TTC7B: variants seen among roughly 807,000 people sequenced by gnomAD.
TTC7B encodes the protein tetratricopeptide repeat protein 7B.
Under a neutral mutation model 106.8 loss-of-function variants are expected in TTC7B, and 28 were observed. That is an observed-to-expected ratio of 0.26 (90% CI 0.19 to 0.36). The LOEUF (loss-of-function observed/expected upper bound fraction) is 0.36. TTC7B is among the 10% of genes least tolerant of loss of function. The pLI is 1.00. For synonymous variants in TTC7B, 405 were observed against 430.6 expected (o/e 0.94, Z 0.74); for missense variants, 862 against 1,076.4 (o/e 0.80, Z 2.79).
At chr14:90,618,189 C>T (rs763618443) in intron 15 of TTC7B, 144 bp from the exon 16 acceptor site, 15 of 600,924 alleles carry the variant, frequency 2.5e-5, no homozygotes, top group South Asian at 1.1e-4. Context: ...CCAAGGAAAG[C>T]GGGATTCCAG....
chr14:90,613,550 C>A (rs1426308539), intron 16 of TTC7B, among the ~76,000 whole-genome samples: 1 of 152,202 alleles, frequency 6.6e-6, no homozygotes, highest in African/African-American at 2.4e-5. Flanking sequence ...CAAGGAGAGG[C>A]CTTGAGCAAC....
intron 4 of TTC7B, among the ~76,000 whole-genome samples, chr14:90,740,081 T>C (rs1052190945): frequency 6.6e-6 from 1 of 152,254 alleles, no homozygotes; most frequent in African/African-American, 2.4e-5. Context: ...GAAAACAAAC[T>C]ATCAGAGACT....
chr14:90,712,070 T>C (rs1888471320), intron 5 of TTC7B, among the ~76,000 whole-genome samples: 1 of 152,190 alleles, frequency 6.6e-6, no homozygotes. Context: ...AAATATATTA[T>C]GTAAACAGTA....
chr14:90,787,635 G>T (rs1891437288), intron 1 of TTC7B, among the ~76,000 whole-genome samples: 1 of 152,128 alleles, frequency 6.6e-6, no homozygotes, highest in Non-Finnish European at 1.5e-5. Context: ...CTAAGATTCT[G>T]GGTGGTAAGT....
At chr14:90,571,194 G>T (rs868425343) in intron 19 of TTC7B, among the ~76,000 whole-genome samples, 74 of 152,322 alleles carry the variant, frequency 4.9e-4, no homozygotes, top group African/African-American at 1.8e-3. Context: ...GTAGAGAAAG[G>T]TAATCCTTAA....
intron 17 of TTC7B, among the ~76,000 whole-genome samples, chr14:90,596,872 C>G (rs1442474706): frequency 6.6e-6 from 1 of 152,160 alleles, no homozygotes. Context: ...ACTTCACTGT[C>G]TGAAATTCAG....
Position 90,774,763 on chromosome 14 carries a change from G to C in TTC7B, c.445+5975C>G, listed in dbSNP as rs558834537. Among the ~76,000 whole-genome samples, 40 of 152,342 alleles carry C rather than the reference G, an allele frequency of 2.6e-4. 1 individual carries two copies. In the South Asian group the frequency reaches 8.3e-3, roughly 32 times the overall value. On this transcript the variant is annotated intron_variant, in intron 3 of 19. Transcript: ENST00000328459. The stretch of plus-strand genomic sequence containing the variant: ...CCCTAAAGAGTCCCCCGCTAGGCTG[G>C]GCGCGGTGGCTCACGCCTGTAATCC...
At position 90,534,967 on chromosome 14, in the gene TTC7B, T is replaced by A. The variant is rs1889381535; in HGVS notation, c.*6401A>T. The A allele has an allele frequency of 1.3e-5, 2 of 151,326 alleles. No individual in the cohort carries two copies. Among genetic ancestry groups the A allele is most frequent in the African/African-American group, 4.9e-5 (2 of 41,032 alleles). The allele number at this position is 151,326 out of a possible 1,614,324, so 9.4% of individuals were successfully genotyped here. On this transcript the variant is annotated 3_prime_UTR_variant, in exon 20 of 20. Transcript: ENST00000328459. ...AGATGCGTGGGGCCATCTGGAGGAG[T>A]CTGGGTTGCTCCATGTGATCACAGA...
At chr14:90,594,790 G>C (rs1727562853) in intron 17 of TTC7B, among the ~76,000 whole-genome samples, 1 of 152,190 alleles carries the variant, frequency 6.6e-6, no homozygotes, top group Non-Finnish European at 1.5e-5. Context: ...TTGCGCTTTG[G>C]AATGTACCCA....
chr14:90,745,679 T>C (rs1454963068), intron 3 of TTC7B, among the ~76,000 whole-genome samples: 2 of 152,124 alleles, frequency 1.3e-5, no homozygotes, highest in Non-Finnish European at 2.9e-5. Context: ...ATTTGATTTG[T>C]TAAAATTTGC....
At chr14:90,724,584 T>TTGCTCC (rs1159088803) in intron 5 of TTC7B, among the ~76,000 whole-genome samples, 3 of 152,186 alleles carry the variant, frequency 2.0e-5, no homozygotes, top group Non-Finnish European at 1.5e-5. Context: ...CCTCACTCTC[T>TTGCTCC]TGCTCCTGCT....
At chr14:90,797,904 G>T (rs1322740364) in intron 1 of TTC7B, among the ~76,000 whole-genome samples, 2 of 152,174 alleles carry the variant, frequency 1.3e-5, no homozygotes, top group East Asian at 3.8e-4. Flanking sequence ...ACATGGAGCA[G>T]ATCTCCATAC....
At chr14:90,611,551 G>A (rs1014150757) in intron 16 of TTC7B, among the ~76,000 whole-genome samples, 1 of 152,154 alleles carries the variant, frequency 6.6e-6, no homozygotes, top group East Asian at 1.9e-4. Context: ...TTCCCAAGCT[G>A]GAGAAAGCTG....
intron 4 of TTC7B, among the ~76,000 whole-genome samples, chr14:90,734,650 C>A (rs917370710): frequency 6.6e-6 from 1 of 152,176 alleles, no homozygotes; most frequent in Non-Finnish European, 1.5e-5. Context: ...CAGGAGACAT[C>A]CCTGAACTCC....
chr14:90,704,630 C>T (rs1271092695), intron 5 of TTC7B, among the ~76,000 whole-genome samples: 1 of 152,212 alleles, frequency 6.6e-6, no homozygotes, highest in Non-Finnish European at 1.5e-5. Flanking sequence ...AGTCTCTGAA[C>T]CTAGACACAT....
intron 19 of TTC7B, among the ~76,000 whole-genome samples, chr14:90,568,209 G>A (rs1308223965): frequency 2.0e-5 from 3 of 152,190 alleles, no homozygotes; most frequent in Non-Finnish European, 4.4e-5. Flanking sequence ...AAAATCCAGG[G>A]AGGTGGGAAG....
chr14:90,677,553 A>G (rs1446391381), intron 8 of TTC7B, among the ~76,000 whole-genome samples: 1 of 152,252 alleles, frequency 6.6e-6, no homozygotes, highest in East Asian at 1.9e-4. Flanking sequence ...CAACAAAGTT[A>G]GATTTCGCCT....
intron 9 of TTC7B, among the ~76,000 whole-genome samples, chr14:90,660,420 A>AG (rs1272412880): frequency 6.8e-6 from 1 of 146,086 alleles, no homozygotes; most frequent in Non-Finnish European, 1.5e-5. Flanking sequence ...AAAAAAAAAA[A>AG]AGAAAAGAAA....
chr14:90,783,853 C>T (rs1244002923), intron 2 of TTC7B, among the ~76,000 whole-genome samples: 1 of 152,052 alleles, frequency 6.6e-6, no homozygotes, highest in Admixed American at 6.6e-5. Flanking sequence ...ATAAGAATTG[C>T]TTGAACCTGG....
Sources: allele counts gnomAD v4.1 joint callset (sites outside exome capture counted in the v4.1 genomes callset), GRCh38; gene constraint gnomAD v4.1.1; transcripts MANE v1.5; gene names NCBI Gene and HGNC (gene_info 2026-07-23, HGNC 2026-07-21).